The following NUP93 variants were observed in gnomAD, a reference collection of about 807,000 sequenced individuals.
NUP93 encodes the protein nucleoporin 93.
NUP93 carries 55 observed loss-of-function variants against 107.8 expected under a neutral mutation model. The observed-to-expected ratio is 0.51, with a 90% CI of 0.41 to 0.64. The LOEUF is 0.64. NUP93 is among the 30% of genes least tolerant of loss of function. The probability of loss-of-function intolerance (pLI) is 0.00; values close to 1 mark genes in which losing one functional copy is unlikely to be tolerated. For missense variants in NUP93, 937 were observed against 1,044.7 expected, an observed-to-expected ratio of 0.90 and a Z score of 1.42; for synonymous variants, 390 against 397.5, an observed-to-expected ratio of 0.98 and a Z score of 0.22.
chr16:56,839,468 A>G (rs1963978296), intron 19 of NUP93, 53 bp from the exon 20 acceptor site: 1 of 1,442,018 alleles, frequency 6.9e-7, no homozygotes, highest in South Asian at 1.3e-5. Context: ...ATGTAGAGAG[A>G]TGAAATGACT....
intron 8 of NUP93, among the ~76,000 whole-genome samples, chr16:56,825,752 T>A (rs182135261): frequency 2.6e-5 from 4 of 152,340 alleles, no homozygotes; most frequent in Admixed American, 2.0e-4. Context: ...TTTGGGAATT[T>A]CCTGTTCATA....
intron 4 of NUP93, among the ~76,000 whole-genome samples, chr16:56,804,537 G>A (rs1963090742): frequency 6.6e-6 from 1 of 152,124 alleles, no homozygotes; most frequent in African/African-American, 2.4e-5. Context: ...AGTGGTGGTT[G>A]CCAGGAGCTA....
intron 12 of NUP93, among the ~76,000 whole-genome samples, chr16:56,832,591 A>G (rs531120221): frequency 2.0e-5 from 3 of 152,340 alleles, no homozygotes; most frequent in Admixed American, 2.0e-4. Flanking sequence ...TAAAACTTAT[A>G]TGGTCATACA....
intron 2 of NUP93, among the ~76,000 whole-genome samples, chr16:56,756,359 G>T: frequency 8.0e-6 from 1 of 124,760 alleles, no homozygotes; most frequent in African/African-American, 3.1e-5. Context: ...TGTGTTCTCT[G>T]TTCAACTCGC....
chr16:56,772,624 G>T lies in NUP93; in HGVS notation c.297+13969G>T, dbSNP rs200180281. ...TAGCCTTGCTGTCTATCAGAGGTGGGCCTCTTCCTTGTTTCTCCACTGCCC... is the reference window on the plus strand; with the variant it reads ...TAGCCTTGCTGTCTATCAGAGGTGGTCCTCTTCCTTGTTTCTCCACTGCCC... On this transcript the variant is annotated intron_variant, in intron 3 of 21. Coordinates refer to ENST00000308159, the MANE Select transcript of NUP93 (RefSeq NM_014669.5). 3.3e-5 allele frequency among the ~76,000 whole-genome samples: 5 copies of T among 152,296 alleles called. No individual in the cohort carries two copies. In the East Asian group the frequency reaches 9.6e-4, roughly 29 times the overall value.
chr16:56,808,761 AATAC>A (rs1404550771), intron 5 of NUP93, among the ~76,000 whole-genome samples: 1 of 144,462 alleles, frequency 6.9e-6, no homozygotes. Context: ...AATATATAAA[AATAC>A]ATATATATAA....
At chr16:56,786,305 A>G (rs1162833612) in intron 3 of NUP93, among the ~76,000 whole-genome samples, 1 of 152,160 alleles carries the variant, frequency 6.6e-6, no homozygotes, top group Non-Finnish European at 1.5e-5. Context: ...AGTTAAGTAA[A>G]GGAAGGCTTA....
chr16:56,811,413 T>C (rs1363017389), intron 5 of NUP93, among the ~76,000 whole-genome samples: 11 of 152,152 alleles, frequency 7.2e-5, no homozygotes, highest in African/African-American at 2.4e-4. Context: ...ACCCTCTTTA[T>C]AGGAGACTAC....
At chr16:56,769,263 TAA>T (rs1962276024) in intron 3 of NUP93, among the ~76,000 whole-genome samples, 1 of 152,178 alleles carries the variant, frequency 6.6e-6, no homozygotes, top group Non-Finnish European at 1.5e-5. Context: ...TAGAGCAAAA[TAA>T]AGAGTAGAAA....
intron 10 of NUP93, chr16:56,831,632 C>T (rs774489542): frequency 7.6e-5 from 38 of 498,962 alleles, no homozygotes; most frequent in Non-Finnish European, 1.1e-4. Context: ...AATAGAAAAC[C>T]GGCAGGCCAA....
intron 16 of NUP93, among the ~76,000 whole-genome samples, chr16:56,836,041 A>G (rs555410530): frequency 1.3e-4 from 19 of 151,414 alleles, no homozygotes; most frequent in African/African-American, 4.1e-4. Context: ...AGGCAGGAGA[A>G]TGGTGTGAAC....
chr16:56,740,121 G>A (rs1408827793), intron 1 of NUP93, among the ~76,000 whole-genome samples: 1 of 142,000 alleles, frequency 7.0e-6, no homozygotes, highest in African/African-American at 2.7e-5. Flanking sequence ...GCCAGGCGGG[G>A]GGCTGACCCC....
At chr16:56,839,790 G>A (rs1291196488) in intron 20 of NUP93, 186 bp downstream of exon 20, 47 of 570,884 alleles carry the variant, frequency 8.2e-5, no homozygotes, top group Non-Finnish European at 4.1e-5. Context: ...ATCCCCATCA[G>A]ATTATTGTCT....
chr16:56,751,194 G>C (rs1961912585), intron 2 of NUP93, among the ~76,000 whole-genome samples: 1 of 151,926 alleles, frequency 6.6e-6, no homozygotes, highest in South Asian at 2.1e-4. Context: ...GAAAAAGCCA[G>C]TAGTCACTCT....
intron 3 of NUP93, among the ~76,000 whole-genome samples, chr16:56,765,171 G>GAAGGAATTTTGA (rs1962194934): frequency 6.6e-6 from 1 of 152,160 alleles, no homozygotes; most frequent in African/African-American, 2.4e-5. Context: ...ATGGACTGTG[G>GAAGGAATTTTGA]ACCCTGAAGG....
rs561074193 is a variant in NUP93, at chr16:56,732,473, A to G, written c.-15+2262A>G. On this transcript the variant is annotated intron_variant, in intron 1 of 21. Transcript: ENST00000308159. ...GTGTGATGTCAGGGCTGTTTCTTAAAGGAGGACAGGGATATTTGAATAGAG... is the reference window on the plus strand; with the variant it reads ...GTGTGATGTCAGGGCTGTTTCTTAAGGGAGGACAGGGATATTTGAATAGAG... 7.3e-4 allele frequency among the ~76,000 whole-genome samples: 111 copies of G among 152,300 alleles called. 3 individuals carry two copies. The South Asian group carries it at 0.017, about 24-fold the overall frequency.
At chr16:56,839,492 T>C (rs1963978894) in intron 19 of NUP93, 29 bp from the exon 20 acceptor site, 1 of 1,571,604 alleles carries the variant, frequency 6.4e-7, no homozygotes, top group South Asian at 1.2e-5. Flanking sequence ...ATGGTTGTGT[T>C]ACATGGGGCC....
intron 3 of NUP93, among the ~76,000 whole-genome samples, chr16:56,790,753 T>G (rs1328301394): frequency 1.3e-5 from 2 of 152,216 alleles, no homozygotes; most frequent in African/African-American, 4.8e-5. Flanking sequence ...ATGTGGATAC[T>G]TCTCCATTGC....
At chr16:56,812,832 C>T (rs183313832) in intron 5 of NUP93, among the ~76,000 whole-genome samples, 2 of 152,278 alleles carry the variant, frequency 1.3e-5, no homozygotes, top group East Asian at 3.9e-4. Context: ...AAAAATGAGA[C>T]CCCTGGCTAC....
Sources: allele counts gnomAD v4.1 joint callset (sites outside exome capture counted in the v4.1 genomes callset), GRCh38; gene constraint gnomAD v4.1.1; transcripts MANE v1.5; gene names NCBI Gene and HGNC (gene_info 2026-07-23, HGNC 2026-07-21).